The following DCAF5 variants were observed in gnomAD, a reference collection of about 807,000 sequenced individuals.
The protein encoded by DCAF5 is DDB1 and CUL4 associated factor 5.
A neutral mutation model predicts 80.7 loss-of-function variants in DCAF5; 9 were observed. The ratio of observed to expected loss-of-function variants is 0.11; its 90% confidence interval spans 0.07 to 0.19. DCAF5 has a LOEUF of 0.19. Among genes scored for constraint, DCAF5 ranks in the 10% least tolerant of loss-of-function variants. The probability of loss-of-function intolerance (pLI) is 1.00; values close to 1 mark genes in which losing one functional copy is unlikely to be tolerated. For synonymous variants in DCAF5, 433 were observed against 461.9 expected (o/e 0.94, Z 0.80); for missense variants, 842 against 1,205.7 (o/e 0.70, Z 4.47).
chr14:69,142,992 T>C (rs954994238), intron 1 of DCAF5, among the ~76,000 whole-genome samples: 15 of 152,212 alleles, frequency 9.9e-5, no homozygotes, highest in Non-Finnish European at 2.2e-4. Context: ...TGGTTACGTA[T>C]GGAATACACA....
intron 6 of DCAF5, 80 bp from the exon 7 acceptor site, chr14:69,075,491 A>AT (rs987383368): frequency 4.4e-5 from 39 of 890,414 alleles, no homozygotes; most frequent in Admixed American, 9.7e-5. Context: ...AAACATATTA[A>AT]TTTTTTTTGA....
chr14:69,153,144 C>G (rs1224963950), upstream of DCAF5: 1 of 481,226 alleles, frequency 2.1e-6, no homozygotes, highest in Non-Finnish European at 3.5e-6. Context: ...GCGTTCGCGG[C>G]TTCCTGACGG....
At chr14:69,131,128 T>C (rs546796929) in intron 1 of DCAF5, among the ~76,000 whole-genome samples, 1 of 152,324 alleles carries the variant, frequency 6.6e-6, no homozygotes, top group African/African-American at 2.4e-5. Flanking sequence ...AATAGTATGA[T>C]ACAATTACAC....
At chr14:69,091,565 T>C in intron 6 of DCAF5, 109 bp downstream of exon 6, 1 of 1,028,338 alleles carries the variant, frequency 9.7e-7, no homozygotes, top group Non-Finnish European at 1.4e-6. Flanking sequence ...CTGTTTCCCC[T>C]TAATTGTTTC....
At chr14:69,068,181 A>G (rs2038538348) in intron 7 of DCAF5, among the ~76,000 whole-genome samples, 1 of 152,086 alleles carries the variant, frequency 6.6e-6, no homozygotes, top group Non-Finnish European at 1.5e-5. Context: ...TCTCTGTTAT[A>G]TTGGAAGCTC....
At chr14:69,111,033 T>C (rs1161592030) in intron 5 of DCAF5, among the ~76,000 whole-genome samples, 1 of 152,196 alleles carries the variant, frequency 6.6e-6, no homozygotes, top group Non-Finnish European at 1.5e-5. Flanking sequence ...TGGCCTTGCA[T>C]TCTGAAAGGA....
At chr14:69,073,018 A>G (rs1484255097) in intron 7 of DCAF5, among the ~76,000 whole-genome samples, 8 of 152,234 alleles carry the variant, frequency 5.3e-5, no homozygotes, top group Non-Finnish European at 1.2e-4. Context: ...CACTGGGTGT[A>G]CTTTCTGAAA....
chr14:69,103,865 T>C (rs796633068), intron 5 of DCAF5, among the ~76,000 whole-genome samples: 1 of 152,244 alleles, frequency 6.6e-6, no homozygotes, highest in Non-Finnish European at 1.5e-5. Context: ...TTATGCAGCA[T>C]GTATTCTTTT....
chr14:69,096,809 G>T (rs1411456144), intron 5 of DCAF5, among the ~76,000 whole-genome samples: 2 of 152,170 alleles, frequency 1.3e-5, no homozygotes, highest in African/African-American at 4.8e-5. Flanking sequence ...CTACCCAAAA[G>T]CTGGTGAAAT....
rs2040614151 is a variant in DCAF5 at position 69,118,699 on chromosome 14, G to A, written c.396-421C>T. ...AATCTGGCATGGTGATGAAGAGCAT[G>A]GCTCTGAGGCCAGATAGCCTAAGTT... On this transcript the variant is annotated intron_variant, in intron 3 of 8. Coordinates refer to ENST00000341516, the MANE Select transcript of DCAF5 (RefSeq NM_003861.3). The surrounding 1 kb of genome is among the most constrained non-coding windows in gnomAD (Gnocchi z 4.0). Among the ~76,000 whole-genome samples, 1 of 152,192 alleles carries A rather than the reference G, an allele frequency of 6.6e-6. No homozygotes were observed. The highest frequency in any genetic ancestry group is 2.4e-5 in the African/African-American group (1 of 41,458).
At chr14:69,083,756 CA>C (rs1310061098) in intron 6 of DCAF5, 5 of 669,918 alleles carry the variant, frequency 7.5e-6, no homozygotes, top group Non-Finnish European at 1.4e-5. Context: ...GAGTCTGATA[CA>C]AAAAAAGCAA....
intron 4 of DCAF5, among the ~76,000 whole-genome samples, chr14:69,117,218 G>C (rs915333434): frequency 2.0e-5 from 3 of 152,180 alleles, no homozygotes; most frequent in African/African-American, 7.2e-5. Flanking sequence ...AAAGCACTCA[G>C]TCATCTCTGC....
chr14:69,119,669 C>T lies in DCAF5; in HGVS notation c.359-439G>A, dbSNP rs149725333. On this transcript the variant is annotated intron_variant, in intron 2 of 8. Coordinates refer to ENST00000341516, the MANE Select transcript of DCAF5 (RefSeq NM_003861.3). ...GTTCAAGGCTGCAGTGAGCTACGAT[C>T]GCACTCCAGCCTGGGCAACAGAGAG... is the stretch of plus-strand genomic sequence containing the variant. Among the ~76,000 whole-genome samples the T allele has an allele frequency of 4.5e-3, 663 of 148,794 alleles. 1 individual carries two copies. The highest frequency in any genetic ancestry group is 0.01 in the Middle Eastern group (3 of 288).
intron 2 of DCAF5, among the ~76,000 whole-genome samples, chr14:69,120,178 T>G (rs889370515): frequency 1.3e-5 from 2 of 152,074 alleles, no homozygotes; most frequent in Non-Finnish European, 2.9e-5. Context: ...TGACCTCCTG[T>G]GCTCAAGCAA....
In DCAF5 at chr14:69,052,846, GGTTGA is replaced by G. The variant is rs2037806591; in HGVS notation, c.*1006_*1010del. 6.6e-6 allele frequency: 1 copy of G among 152,236 alleles called. No homozygotes were observed. Among genetic ancestry groups the G allele is most frequent in the African/African-American group, 2.4e-5 (1 of 41,458 alleles). 9.4% of individuals were successfully genotyped at this position (152,236 alleles called of 1,614,324 possible). Reference sequence around the variant, plus strand: ...CCACCAATTCTGACCAATGGTTCTGGGTTGAGTTAAATGAATATAGTACCACATTC... The same window carrying G: ...CCACCAATTCTGACCAATGGTTCTGGGTTAAATGAATATAGTACCACATTC... On this transcript the variant is annotated 3_prime_UTR_variant, in exon 9 of 9. Transcript: ENST00000341516.
At chr14:69,081,034 T>G (rs950049319) in intron 6 of DCAF5, among the ~76,000 whole-genome samples, 1 of 150,296 alleles carries the variant, frequency 6.7e-6, no homozygotes, top group African/African-American at 2.5e-5. Context: ...CAATAACAAA[T>G]GTAAGAGGAA....
At chr14:69,073,118 T>C (rs1168453585) in intron 7 of DCAF5, among the ~76,000 whole-genome samples, 2 of 152,160 alleles carry the variant, frequency 1.3e-5, no homozygotes, top group East Asian at 3.9e-4. Context: ...AGTTAATCCA[T>C]AAATGGGGTA....
At chr14:69,070,073 T>C (rs749531140) in intron 7 of DCAF5, among the ~76,000 whole-genome samples, 3 of 152,180 alleles carry the variant, frequency 2.0e-5, no homozygotes, top group African/African-American at 4.8e-5. Context: ...AAGCCCCCAG[T>C]TGGAAGATAA....
chr14:69,112,376 A>G (rs1298629609), intron 5 of DCAF5, among the ~76,000 whole-genome samples: 1 of 152,150 alleles, frequency 6.6e-6, no homozygotes, highest in Non-Finnish European at 1.5e-5. Flanking sequence ...GAATTCTGAA[A>G]AAGTTCTATT....
Sources: allele counts gnomAD v4.1 joint callset (sites outside exome capture counted in the v4.1 genomes callset), GRCh38; gene constraint gnomAD v4.1.1; non-coding constraint Gnocchi (gnomAD v3.1); transcripts MANE v1.5; gene names NCBI Gene and HGNC (gene_info 2026-07-23, HGNC 2026-07-21).